The following STX18 variants were observed in gnomAD, a reference collection of about 807,000 sequenced individuals.
The protein encoded by STX18 is syntaxin 18, also known as syntaxin-18.
In STX18, 40 loss-of-function variants were observed where a neutral mutation model predicts 50.1. The ratio of observed to expected loss-of-function variants is 0.80; its 90% CI spans 0.62 to 1.04. The LOEUF is 1.04. Among genes scored for constraint, STX18 ranks in the 50% least tolerant of loss-of-function variants. The pLI, the probability that STX18 is intolerant of heterozygous loss-of-function variation, is 0.00. For synonymous variants in STX18, 158 were observed against 151.8 expected, an observed-to-expected ratio of 1.04 and a Z score of -0.30; for missense variants, 410 against 415.8, an observed-to-expected ratio of 0.99 and a Z score of 0.12.
At chr4:4,518,989 T>C (rs771828667) in intron 1 of STX18, among the ~76,000 whole-genome samples, 3 of 152,176 alleles carry the variant, frequency 2.0e-5, no homozygotes, top group Non-Finnish European at 2.9e-5. Context: ...TAGAAGAGAA[T>C]TGTAGTAAAT....
chr4:4,420,211 G>A lies in STX18; in HGVS notation c.913-82C>T, dbSNP rs1724857484. ...CCCTGAAATGCCCCCCTCTTCCCACGTGCTCTCCTGATCCTGGCTGTAACT... is the reference window on the plus strand; with the variant it reads ...CCCTGAAATGCCCCCCTCTTCCCACATGCTCTCCTGATCCTGGCTGTAACT... On this transcript the variant is annotated intron_variant, in intron 10 of 10. Coordinates refer to ENST00000306200, the MANE Select transcript of STX18 (RefSeq NM_016930.4). The surrounding 1 kb of genome is among the most constrained non-coding windows in gnomAD (Gnocchi z 4.3). 6.5e-6 allele frequency: 7 copies of A among 1,069,530 alleles called. No individual in the cohort carries two copies. Among genetic ancestry groups the A allele is most frequent in the African/African-American group, 1.6e-5 (1 of 64,042 alleles). The allele number at this position is 1,069,530 out of a possible 1,614,324, so 66.3% of individuals were successfully genotyped here.
At chr4:4,454,984 A>G (rs1053662009) in intron 5 of STX18, among the ~76,000 whole-genome samples, 2 of 152,230 alleles carry the variant, frequency 1.3e-5, no homozygotes, top group African/African-American at 2.4e-5. Flanking sequence ...TTGTTCTCAC[A>G]ACAGCACTAC....
chr4:4,471,556 G>C (rs1727920913), intron 2 of STX18, 83 bp downstream of exon 2: 1 of 919,754 alleles, frequency 1.1e-6, no homozygotes, highest in Non-Finnish European at 1.6e-6. Context: ...TTAAGAAAAA[G>C]GTGAGGGCAA....
intron 5 of STX18, among the ~76,000 whole-genome samples, chr4:4,439,541 CACAG>C (rs942304800): frequency 1.2e-4 from 17 of 143,314 alleles, no homozygotes; most frequent in South Asian, 4.5e-4. Context: ...CACATACACA[CACAG>C]AAACACACAC....
chr4:4,506,513 G>A (rs963964385), intron 1 of STX18, among the ~76,000 whole-genome samples: 4 of 152,146 alleles, frequency 2.6e-5, no homozygotes, highest in African/African-American at 9.7e-5. Flanking sequence ...GTGGGTTCAC[G>A]GGAGTGGGTG....
intron 1 of STX18, among the ~76,000 whole-genome samples, chr4:4,527,867 C>CACACACATATATATATATAT (rs372566368): frequency 7.3e-6 from 1 of 137,208 alleles, no homozygotes; most frequent in African/African-American, 2.6e-5. Context: ...CACACACACA[C>CACACACATATATATATATAT]ATATATATAT....
intron 5 of STX18, among the ~76,000 whole-genome samples, chr4:4,448,372 C>A (rs1726548010): frequency 6.6e-6 from 1 of 151,220 alleles, no homozygotes; most frequent in Admixed American, 6.6e-5. Flanking sequence ...GACAGAGTCT[C>A]ACTCCATCAC....
At chr4:4,444,378 A>G (rs1007679314) in intron 5 of STX18, among the ~76,000 whole-genome samples, 5 of 152,170 alleles carry the variant, frequency 3.3e-5, no homozygotes, top group African/African-American at 9.7e-5. Context: ...TGACCTCTGG[A>G]GGGGCTGGAG....
At chr4:4,461,870 T>C (rs952559417) in intron 2 of STX18, 28 of 456,122 alleles carry the variant, frequency 6.1e-5, no homozygotes, top group African/African-American at 5.2e-4. Context: ...GGTGTGCATA[T>C]AGTCACCACA....
chr4:4,499,474 T>C, intron 1 of STX18: 1 of 985,056 alleles, frequency 1.0e-6, no homozygotes, highest in Non-Finnish European at 1.2e-6. Flanking sequence ...AAAAACAGCA[T>C]TTCATATGCA....
At chr4:4,454,916 T>C (rs1726985095) in intron 5 of STX18, among the ~76,000 whole-genome samples, 1 of 152,242 alleles carries the variant, frequency 6.6e-6, no homozygotes, top group Non-Finnish European at 1.5e-5. Flanking sequence ...TAGTGGTAGA[T>C]AATAGTACAA....
At chr4:4,522,725 A>G (rs1057444115) in intron 1 of STX18, among the ~76,000 whole-genome samples, 1 of 152,022 alleles carries the variant, frequency 6.6e-6, no homozygotes, top group African/African-American at 2.4e-5. Context: ...GAAACAAAGA[A>G]AAGTATAACA....
rs574836286 is a variant in STX18, at chr4:4,520,949, T to C, written c.168+20848A>G. Among the ~76,000 whole-genome samples, 56 of 152,264 alleles carry C rather than the reference T, an allele frequency of 3.7e-4. No homozygotes were observed. In the South Asian group the frequency reaches 4.8e-3, roughly 13 times the overall value. On this transcript the variant is annotated intron_variant, in intron 1 of 10. Coordinates refer to ENST00000306200, the MANE Select transcript of STX18 (RefSeq NM_016930.4). ...AAAATTCATCATCCCAAAAACAACA[T>C]TGTACAATTTATCTAGTCTTCCAAA... is the stretch of plus-strand genomic sequence containing the variant.
chr4:4,421,986 G>A lies in STX18; in HGVS notation c.832-1042C>T, dbSNP rs188480403. Among the ~76,000 whole-genome samples, 913 of 152,206 alleles carry A rather than the reference G, an allele frequency of 6.0e-3. 52 individuals carry two copies. The highest frequency in any genetic ancestry group is 0.056 in the Admixed American group (859 of 15,296). On this transcript the variant is annotated intron_variant, in intron 9 of 10. Transcript: ENST00000306200. ...GAGTGCCTGCTTCTCTCCTCCTTTC[G>A]GTGGTGGTGAAGCTGCTTCCTAACA...
chr4:4,470,991 C>G (rs780546282), intron 2 of STX18, among the ~76,000 whole-genome samples: 3 of 152,052 alleles, frequency 2.0e-5, no homozygotes, highest in Non-Finnish European at 4.4e-5. Context: ...ACTTAGCCAC[C>G]AGAAGGAATG....
rs375534518 is a variant in STX18, at chr4:4,459,446, C to T, written c.278G>A (p.Arg93Gln). The change falls in exon 3 of 11, where the codon CGA becomes CAA. Residue 93 changes from arginine to glutamine, a missense_variant. Coordinates refer to ENST00000306200, the MANE Select transcript of STX18 (RefSeq NM_016930.4). ...CTGGGCATCCTGGTCTATCTGGTCT[C>T]GTTCTGTGTCTGTCATCCTCCCATA... ...SEYGRMTDTE[R>Q]DQIDQDAQIF... 39 of 1,613,980 alleles carry T rather than the reference C, an allele frequency of 2.4e-5. No individual in the cohort carries two copies. The highest frequency in any genetic ancestry group is 2.9e-5 in the Non-Finnish European group (34 of 1,180,014).
chr4:4,424,530 C>T (rs1341369225), intron 8 of STX18, among the ~76,000 whole-genome samples: 2 of 152,200 alleles, frequency 1.3e-5, no homozygotes, highest in Non-Finnish European at 1.5e-5. Context: ...AGGCGAAGAG[C>T]CCCTTGGAGG....
At chr4:4,429,357 T>C (rs918463285) in intron 7 of STX18, among the ~76,000 whole-genome samples, 2 of 152,230 alleles carry the variant, frequency 1.3e-5, no homozygotes, top group African/African-American at 2.4e-5. Flanking sequence ...CAAATCCACA[T>C]TGTGAATATA....
At chr4:4,433,155 T>C (rs905887399) in intron 7 of STX18, among the ~76,000 whole-genome samples, 4 of 152,228 alleles carry the variant, frequency 2.6e-5, no homozygotes, top group African/African-American at 4.8e-5. Context: ...AACTGTGTAA[T>C]AGTGATAATT....
Sources: gnomAD v4.1 joint callset for allele counts (sites outside exome capture counted in the v4.1 genomes callset) on GRCh38, gnomAD v4.1.1 for gene constraint, Gnocchi (gnomAD v3.1) non-coding constraint, MANE v1.5 for transcripts, NCBI Gene and HGNC (gene_info 2026-07-23, HGNC 2026-07-21) for gene names.